Variants in SLC44A5 observed in about 807,000 individuals in gnomAD.
The protein encoded by SLC44A5 is solute carrier family 44 member 5.
A neutral mutation model predicts 101.8 loss-of-function variants in SLC44A5; 57 were observed. The observed-to-expected ratio is 0.56, with a 90% CI of 0.45 to 0.70. SLC44A5 has a LOEUF of 0.70. Among genes scored for constraint, SLC44A5 ranks in the 30% least tolerant of loss-of-function variants. The pLI is 0.00. For missense variants in SLC44A5, 737 were observed against 853.1 expected, an observed-to-expected ratio of 0.86 and a Z score of 1.70; for synonymous variants, 281 against 290.9, an observed-to-expected ratio of 0.97 and a Z score of 0.35.
At chr1:75,593,849 G>C (rs182859181) in intron 1 of SLC44A5, among the ~76,000 whole-genome samples, 1 of 152,000 alleles carries the variant, frequency 6.6e-6, no homozygotes, top group Admixed American at 6.6e-5. Context: ...GTAGTCAGGG[G>C]ATGGAGGGAA....
chr1:75,577,114 T>C (rs899744805), intron 1 of SLC44A5, among the ~76,000 whole-genome samples: 6 of 152,156 alleles, frequency 3.9e-5, no homozygotes, highest in Non-Finnish European at 8.8e-5. Context: ...CTTCAAAATA[T>C]ATCCAGAATT....
the SLC44A5 span, among the ~76,000 whole-genome samples, chr1:75,680,825 T>G: frequency 1.4e-5 from 2 of 139,610 alleles, no homozygotes; most frequent in South Asian, 4.4e-4. Flanking sequence ...ATCCAGGAGC[T>G]GGTTTTTTGA....
intron 18 of SLC44A5, 106 bp downstream of exon 18, chr1:75,217,760 G>T (rs1646991606): frequency 2.7e-6 from 2 of 738,074 alleles, no homozygotes; most frequent in Non-Finnish European, 4.8e-6. Context: ...TCCCAAATAT[G>T]CCCTTTCATC....
At chr1:75,573,048 G>A (rs1262994965) in intron 1 of SLC44A5, among the ~76,000 whole-genome samples, 5 of 149,916 alleles carry the variant, frequency 3.3e-5, no homozygotes. Context: ...GCTTAAACCC[G>A]GGAGGCGGAG....
chr1:75,373,550 C>T (rs1660367275), intron 3 of SLC44A5, among the ~76,000 whole-genome samples: 1 of 152,182 alleles, frequency 6.6e-6, no homozygotes, highest in East Asian at 1.9e-4. Flanking sequence ...AACGTGACTT[C>T]AGGCATTTAT....
intron 4 of SLC44A5, among the ~76,000 whole-genome samples, chr1:75,331,991 T>C (rs1390890797): frequency 6.6e-6 from 1 of 152,196 alleles, no homozygotes; most frequent in Non-Finnish European, 1.5e-5. Context: ...TTCCTCTTAC[T>C]TATGTTCATT....
intron 2 of SLC44A5, among the ~76,000 whole-genome samples, chr1:75,422,141 G>A (rs1664045548): frequency 6.6e-6 from 1 of 152,128 alleles, no homozygotes; most frequent in African/African-American, 2.4e-5. Context: ...GTAAAATTTG[G>A]ACATGAAATG....
the SLC44A5 span, among the ~76,000 whole-genome samples, chr1:75,696,133 G>A: frequency 6.6e-6 from 1 of 152,198 alleles, no homozygotes; most frequent in African/African-American, 2.4e-5. Flanking sequence ...GATAGAGTCA[G>A]ATGAGGGTCC....
chr1:75,402,459 G>T, intron 2 of SLC44A5: 1 of 397,660 alleles, frequency 2.5e-6, no homozygotes, highest in Non-Finnish European at 5.2e-6. Context: ...CAGAAGGCAG[G>T]TGATTTCTGC....
At chr1:75,244,245 TG>T (rs1203239063) in intron 7 of SLC44A5, among the ~76,000 whole-genome samples, 2 of 152,104 alleles carry the variant, frequency 1.3e-5, no homozygotes, top group Non-Finnish European at 2.9e-5. Context: ...CACTTGTTTC[TG>T]TGTGCCTGTG....
At chr1:75,667,592 T>C in the SLC44A5 span, among the ~76,000 whole-genome samples, 1 of 152,148 alleles carries the variant, frequency 6.6e-6, no homozygotes, top group East Asian at 1.9e-4. Context: ...AAACTTCATA[T>C]GGAACCAGAA....
intron 13 of SLC44A5, among the ~76,000 whole-genome samples, chr1:75,225,889 G>C (rs951993105): frequency 1.3e-4 from 20 of 152,142 alleles, no homozygotes; most frequent in African/African-American, 4.8e-4. Context: ...TGGCGTTTGT[G>C]TGGAAGGGTC....
At chr1:75,661,840 A>G in the SLC44A5 span, among the ~76,000 whole-genome samples, 1 of 152,234 alleles carries the variant, frequency 6.6e-6, no homozygotes, top group Non-Finnish European at 1.5e-5. Flanking sequence ...CAAAGGACAG[A>G]AAATAACAGA....
At chr1:75,531,429 C>T (rs938427773) in intron 2 of SLC44A5, among the ~76,000 whole-genome samples, 1 of 152,212 alleles carries the variant, frequency 6.6e-6, no homozygotes, top group Non-Finnish European at 1.5e-5. Context: ...GCTGCTGCTT[C>T]TTGATCACCT....
chr1:75,669,257 C>G, the SLC44A5 span, among the ~76,000 whole-genome samples: 1 of 152,064 alleles, frequency 6.6e-6, no homozygotes, highest in Non-Finnish European at 1.5e-5. Flanking sequence ...ATGTTCTAGT[C>G]TTTAAGCTTG....
At chr1:75,294,616 T>C (rs1332349755) in intron 5 of SLC44A5, among the ~76,000 whole-genome samples, 1 of 152,066 alleles carries the variant, frequency 6.6e-6, no homozygotes, top group Non-Finnish European at 1.5e-5. Context: ...TAAGAAATTA[T>C]AGTGTATGTG....
chr1:75,343,373 A>G (rs1427376085), intron 3 of SLC44A5, among the ~76,000 whole-genome samples: 1 of 152,158 alleles, frequency 6.6e-6, no homozygotes, highest in African/African-American at 2.4e-5. Flanking sequence ...AAAATAGTTC[A>G]GGTAACTAAT....
rs143204843 is a variant in SLC44A5, at chr1:75,371,704, A to G, written c.52+24879T>C. Among the ~76,000 whole-genome samples the G allele has an allele frequency of 6.6e-4, 101 of 152,340 alleles. No homozygotes were observed. The East Asian group carries it at 0.019, about 29-fold the overall frequency. On this transcript the variant is annotated intron_variant, in intron 3 of 23. Coordinates refer to ENST00000370859, the MANE Select transcript of SLC44A5 (RefSeq NM_001130058.2). ...AATAAAAGATATATTCATTTGTATT[A>G]CTTTAGACTAACCTACGAAAAGCTA... is the stretch of plus-strand genomic sequence containing the variant.
intron 1 of SLC44A5, among the ~76,000 whole-genome samples, chr1:75,592,683 GA>G (rs1239700049): frequency 3.3e-5 from 5 of 151,796 alleles, no homozygotes; most frequent in African/African-American, 1.2e-4. Flanking sequence ...AACCCAGAAA[GA>G]AATCTACACA....
Sources: allele counts gnomAD v4.1 joint callset (sites outside exome capture counted in the v4.1 genomes callset), GRCh38; gene constraint gnomAD v4.1.1; transcripts MANE v1.5; gene names NCBI Gene and HGNC (gene_info 2026-07-23, HGNC 2026-07-21).